PIBF1: variants seen among roughly 807,000 people sequenced by gnomAD.
PIBF1 encodes the protein progesterone immunomodulatory binding factor 1.
A neutral mutation model predicts 112.5 loss-of-function variants in PIBF1; 90 were observed. The ratio of observed to expected loss-of-function variants is 0.80; its 90% CI spans 0.67 to 0.95. The LOEUF (loss-of-function observed/expected upper bound fraction) is 0.95. Among genes scored for constraint, PIBF1 ranks in the 40% least tolerant of loss-of-function variants. The probability of loss-of-function intolerance (pLI) is 0.00; values close to 1 mark genes in which losing one functional copy is unlikely to be tolerated. For missense variants in PIBF1, 915 were observed against 852.3 expected (o/e 1.07, Z -0.92); for synonymous variants, 301 against 288.6 (o/e 1.04, Z -0.44).
intron 15 of PIBF1, among the ~76,000 whole-genome samples, chr13:72,972,008 AT>A (rs1209699655): frequency 2.6e-5 from 1 of 38,354 alleles, no homozygotes; most frequent in African/African-American, 1.3e-4. Flanking sequence ...GCTTTCATTT[AT>A]TTATTTATTT....
chr13:72,783,814 A>C, intron 2 of PIBF1, 93 bp downstream of exon 2: 1 of 1,120,598 alleles, frequency 8.9e-7, no homozygotes, highest in Non-Finnish European at 1.3e-6. Flanking sequence ...TCTGAACTTG[A>C]AATGATACAT....
intron 17 of PIBF1, among the ~76,000 whole-genome samples, chr13:73,013,320 A>AAG (rs1215916250): frequency 8.0e-6 from 1 of 125,048 alleles, no homozygotes; most frequent in African/African-American, 2.8e-5. Flanking sequence ...AAAAAAAAAA[A>AAG]AAAAAAGAAA....
At chr13:72,797,575 A>G (rs1317835544) in intron 4 of PIBF1, among the ~76,000 whole-genome samples, 1 of 152,220 alleles carries the variant, frequency 6.6e-6, no homozygotes, top group Non-Finnish European at 1.5e-5. Flanking sequence ...AGAAACAGCA[A>G]GAGCAAGACT....
intron 9 of PIBF1, among the ~76,000 whole-genome samples, chr13:72,841,481 G>A (rs1177634659): frequency 6.6e-6 from 1 of 152,018 alleles, no homozygotes; most frequent in Non-Finnish European, 1.5e-5. Flanking sequence ...TTATAAAATG[G>A]GCTAATAGGC....
At chr13:72,922,387 A>T (rs549243577) in intron 13 of PIBF1, among the ~76,000 whole-genome samples, 2 of 152,294 alleles carry the variant, frequency 1.3e-5, no homozygotes, top group South Asian at 4.1e-4. Context: ...TGAAAATCTG[A>T]AGTAATGTTT....
chr13:72,999,136 T>G (rs2043777726), intron 17 of PIBF1, 141 bp downstream of exon 17: 6 of 571,372 alleles, frequency 1.1e-5, no homozygotes. Flanking sequence ...AGGATTTGCA[T>G]TAATCCATTT....
At chr13:72,879,210 G>T (rs1025696470) in intron 10 of PIBF1, among the ~76,000 whole-genome samples, 1 of 151,858 alleles carries the variant, frequency 6.6e-6, no homozygotes. Flanking sequence ...TTGGCATTAT[G>T]TTGTTGGGCA....
intron 14 of PIBF1, among the ~76,000 whole-genome samples, chr13:72,931,740 A>ATATATATATATG (rs1342426606): frequency 1.1e-4 from 16 of 143,660 alleles, no homozygotes; most frequent in Non-Finnish European, 2.1e-4. Flanking sequence ...ATATATATAT[A>ATATATATATATG]TATGTATGCA....
At chr13:72,872,320 A>G (rs1345211679) in intron 10 of PIBF1, among the ~76,000 whole-genome samples, 1 of 152,210 alleles carries the variant, frequency 6.6e-6, no homozygotes, top group Non-Finnish European at 1.5e-5. Context: ...TAGTGATTTC[A>G]TTATCAGAAA....
At chr13:72,836,169 T>G (rs573114087) in intron 9 of PIBF1, 1 of 434,718 alleles carries the variant, frequency 2.3e-6, no homozygotes, top group Non-Finnish European at 4.6e-6. Flanking sequence ...AATATTAGGC[T>G]CACCTAGTTA....
intron 10 of PIBF1, among the ~76,000 whole-genome samples, chr13:72,859,579 T>A (rs1287186284): frequency 6.6e-6 from 1 of 152,096 alleles, no homozygotes; most frequent in Non-Finnish European, 1.5e-5. Flanking sequence ...AATTGAATAA[T>A]GAAGTAAGGA....
In PIBF1 at chr13:72,797,913, T is replaced by G. The variant is rs1283955159; in HGVS notation, c.559T>G (p.Phe187Val). The change falls in exon 5 of 18, where the codon TTC becomes GTC. Residue 187 changes from phenylalanine (F) to valine (V), a missense_variant. Coordinates refer to ENST00000326291, the MANE Select transcript of PIBF1 (RefSeq NM_006346.4). ...LSIPEYVSVR[F>V]YELVNPLRKE... is the part of the protein sequence containing the mutation. ...TAATTTAATTTTTTTCAAGGTTCGC[T>G]TCTATGAGCTAGTGAATCCATTAAG... The G allele has an allele frequency of 2.5e-6, 4 of 1,586,178 alleles. No homozygotes were observed. In the African/African-American group the frequency reaches 4.1e-5, roughly 16 times the overall value.
intron 4 of PIBF1, 26 bp downstream of exon 4, chr13:72,795,583 C>G (rs890258203): frequency 7.4e-7 from 1 of 1,343,842 alleles, no homozygotes; most frequent in African/African-American, 1.5e-5. Context: ...CTATTTTTAA[C>G]TATGACATAT....
intron 2 of PIBF1, among the ~76,000 whole-genome samples, chr13:72,790,459 ACACACTTATAGATAGATCACACACACC>A (rs1248787135): frequency 4.6e-4 from 68 of 146,818 alleles, no homozygotes; most frequent in African/African-American, 1.7e-3. Flanking sequence ...ACACACACAC[ACACACTTATAGATAGATCACACACACC>A]CTTATAGATA....
intron 11 of PIBF1, among the ~76,000 whole-genome samples, chr13:72,894,776 T>TGTGC (rs2040209584): frequency 2.1e-5 from 3 of 139,822 alleles, no homozygotes; most frequent in Admixed American, 7.2e-5. Flanking sequence ...ATATATAGTG[T>TGTGC]GTGTGTGTGT....
chr13:72,891,009 C>G (rs917283479), intron 10 of PIBF1, among the ~76,000 whole-genome samples: 5 of 152,050 alleles, frequency 3.3e-5, no homozygotes, highest in Non-Finnish European at 1.5e-5. Context: ...AGACTATATT[C>G]AAATTTTTAG....
intron 8 of PIBF1, among the ~76,000 whole-genome samples, chr13:72,832,300 G>A (rs11618254): frequency 0.17 from 25,488 of 151,638 alleles, 2,745 homozygotes; most frequent in Admixed American, 0.31. Context: ...AATTTGATCC[G>A]GTCATTATGA....
In PIBF1 at chr13:72,995,832, C is replaced by A. The variant is rs548335384; in HGVS notation, c.2050-2990C>A. 3.3e-5 allele frequency among the ~76,000 whole-genome samples: 5 copies of A among 151,624 alleles called. No homozygotes were observed. The East Asian group carries it at 9.7e-4, about 30-fold the overall frequency. ...GAGCGTGGTTGTGGGTGCTTGTAAT[C>A]CTAGCTACTCTGGAGGCTGAGGCAG... On this transcript the variant is annotated intron_variant, in intron 16 of 17. Transcript: ENST00000326291.
chr13:72,869,611 TATA>T (rs1017941321), intron 10 of PIBF1, among the ~76,000 whole-genome samples: 2 of 135,354 alleles, frequency 1.5e-5, no homozygotes, highest in East Asian at 2.5e-4. Flanking sequence ...AAACTTAAAG[TATA>T]ATAATAATAA....
Sources: allele counts gnomAD v4.1 joint callset (sites outside exome capture counted in the v4.1 genomes callset), GRCh38; gene constraint gnomAD v4.1.1; transcripts MANE v1.5; gene names NCBI Gene and HGNC (gene_info 2026-07-23, HGNC 2026-07-21).